The following CLASP1 variants were observed in gnomAD, a reference collection of about 807,000 sequenced individuals.
CLASP1 encodes the protein CLIP-associating protein 1.
CLASP1 carries 38 observed loss-of-function variants against 192.3 expected under a neutral mutation model. The observed-to-expected ratio is 0.20, with a 90% CI of 0.15 to 0.26. The LOEUF is 0.26. CLASP1 is among the 10% of genes least tolerant of loss of function. The pLI, the probability that CLASP1 is intolerant of heterozygous loss-of-function variation, is 1.00. For synonymous variants in CLASP1, 691 were observed against 712.8 expected (o/e 0.97, Z 0.49); for missense variants, 1,433 against 1,932.5 (o/e 0.74, Z 4.85).
At chr2:121,425,685 GA>G in intron 21 of CLASP1, among the ~76,000 whole-genome samples, 1 of 152,186 alleles carries the variant, frequency 6.6e-6, no homozygotes, top group East Asian at 1.9e-4. Flanking sequence ...ATTAGCTACA[GA>G]AAATGAATCC....
chr2:121,505,568 A>C (rs2093919816), intron 7 of CLASP1, among the ~76,000 whole-genome samples: 1 of 152,228 alleles, frequency 6.6e-6, no homozygotes, highest in South Asian at 2.1e-4. Flanking sequence ...CTCTGAGCAC[A>C]AAAATATAAA....
intron 2 of CLASP1, among the ~76,000 whole-genome samples, chr2:121,544,778 G>T (rs1278884514): frequency 6.6e-6 from 1 of 152,054 alleles, no homozygotes; most frequent in Admixed American, 6.5e-5. Flanking sequence ...TGAAAAACAT[G>T]GGATCCTAGA....
chr2:121,415,597 T>G (rs914714067), intron 23 of CLASP1, among the ~76,000 whole-genome samples: 1 of 152,208 alleles, frequency 6.6e-6, no homozygotes, highest in Non-Finnish European at 1.5e-5. Flanking sequence ...ACTTATTGAC[T>G]ACAGTTTCAT....
rs149472698 is a variant in CLASP1 at position 121,436,002 on chromosome 2, C to T, written c.1913-5825G>A. The stretch of plus-strand genomic sequence containing the variant: ...TGTAGGTAGTTTCTTTTTCTAGTGG[C>T]TTCTGTGCCTTTCGTGTTGTGCAAT... On this transcript the variant is annotated intron_variant, in intron 19 of 39. Transcript: ENST00000263710. Among the ~76,000 whole-genome samples the T allele has an allele frequency of 2.1e-3, 315 of 151,442 alleles. 1 individual carries two copies. Among genetic ancestry groups the T allele is most frequent in the African/African-American group, 7.2e-3 (297 of 41,312 alleles).
At chr2:121,387,061 G>T in intron 32 of CLASP1, 61 bp downstream of exon 33, 2 of 1,303,610 alleles carry the variant, frequency 1.5e-6, no homozygotes, top group Non-Finnish European at 2.2e-6. Context: ...GAAATAGGAT[G>T]CACAGCAATT....
chr2:121,348,744 G>A, intron 37 of CLASP1, 26 bp from the exon 39 acceptor site: 1 of 1,557,326 alleles, frequency 6.4e-7, no homozygotes, highest in Non-Finnish European at 8.7e-7. Flanking sequence ...CCCCCAAAGA[G>A]TGAGCTCCAC....
intron 1 of CLASP1, among the ~76,000 whole-genome samples, chr2:121,632,051 C>A (rs1004060567): frequency 7.9e-5 from 12 of 151,816 alleles, no homozygotes; most frequent in African/African-American, 2.9e-4. Context: ...CATCTCAAAA[C>A]AAATAAAATA....
intron 16 of CLASP1, among the ~76,000 whole-genome samples, chr2:121,449,935 C>A (rs537567250): frequency 2.6e-5 from 4 of 151,780 alleles, no homozygotes; most frequent in East Asian, 1.9e-4. Flanking sequence ...AGAGTAAATT[C>A]AAAAAAAATC....
At chr2:121,440,334 G>A (rs2083092318) in intron 19 of CLASP1, among the ~76,000 whole-genome samples, 1 of 152,126 alleles carries the variant, frequency 6.6e-6, no homozygotes, top group Non-Finnish European at 1.5e-5. Flanking sequence ...ATATTACTAT[G>A]AGTACCTGTG....
rs556916848 is a variant in CLASP1, at chr2:121,469,986, GTTTT to G, written c.713-30_713-27del. Reference sequence around the variant, plus strand: ...CTGAACAGTAAGCACAGAAACCAACGTTTTTTTAAAAACAAAAACTATATATACA... The same window carrying G: ...CTGAACAGTAAGCACAGAAACCAACGTTTAAAAACAAAAACTATATATACA... On this transcript the variant is annotated intron_variant, in intron 8 of 39. Coordinates refer to ENST00000263710, the Ensembl canonical transcript of CLASP1. The G allele has an allele frequency of 4.2e-5, 67 of 1,580,024 alleles. No homozygotes were observed. The African/African-American group carries it at 7.9e-4, about 19-fold the overall frequency.
chr2:121,538,060 CT>C (rs1162245105), intron 2 of CLASP1, among the ~76,000 whole-genome samples: 3 of 152,128 alleles, frequency 2.0e-5, no homozygotes, highest in Admixed American at 2.0e-4. Flanking sequence ...AAAATATCCA[CT>C]GTACAATTTC....
At chr2:121,577,429 T>A (rs1283514232) in intron 2 of CLASP1, among the ~76,000 whole-genome samples, 3 of 152,120 alleles carry the variant, frequency 2.0e-5, no homozygotes, top group African/African-American at 7.2e-5. Context: ...AGAAAACCTA[T>A]CTGGCTAACT....
At chr2:121,462,271 T>C (rs2088227890) in intron 10 of CLASP1, among the ~76,000 whole-genome samples, 1 of 152,046 alleles carries the variant, frequency 6.6e-6, no homozygotes, top group Non-Finnish European at 1.5e-5. Context: ...TTTAGCGTCA[T>C]CTATTTCTTT....
intron 2 of CLASP1, among the ~76,000 whole-genome samples, chr2:121,576,637 T>C (rs940278180): frequency 1.3e-5 from 2 of 152,176 alleles, no homozygotes. Context: ...CTGGCTAATA[T>C]GAGACCCCAA....
intron 8 of CLASP1, among the ~76,000 whole-genome samples, chr2:121,494,894 C>T (rs760503875): frequency 7.9e-5 from 12 of 151,774 alleles, no homozygotes; most frequent in Non-Finnish European, 1.2e-4. Context: ...TGGTGGTGGG[C>T]GCCTGTAGTC....
chr2:121,358,351 T>C (rs2065792089), intron 37 of CLASP1, among the ~76,000 whole-genome samples: 1 of 152,130 alleles, frequency 6.6e-6, no homozygotes, highest in Admixed American at 6.5e-5. Context: ...GGGTAAGAGA[T>C]AAGGAAAAAC....
intron 37 of CLASP1, among the ~76,000 whole-genome samples, chr2:121,359,436 C>A (rs545581051): frequency 6.6e-6 from 1 of 152,176 alleles, no homozygotes; most frequent in Non-Finnish European, 1.5e-5. Context: ...AGTATCAATT[C>A]TCTTATTTAA....
intron 8 of CLASP1, among the ~76,000 whole-genome samples, chr2:121,478,770 C>A (rs1040029926): frequency 3.3e-4 from 10 of 29,944 alleles, no homozygotes; most frequent in East Asian, 1.0e-3. Context: ...CACCACACAC[C>A]CCACACACAC....
At chr2:121,435,144 GACCC>G (rs2082086178) in intron 19 of CLASP1, among the ~76,000 whole-genome samples, 1 of 152,134 alleles carries the variant, frequency 6.6e-6, no homozygotes. Flanking sequence ...AACATAGCAA[GACCC>G]TGTCTCCATT....
Sources: gnomAD v4.1 joint callset for allele counts (sites outside exome capture counted in the v4.1 genomes callset) on GRCh38, gnomAD v4.1.1 for gene constraint, MANE v1.5 for transcripts, NCBI Gene and HGNC (gene_info 2026-07-23, HGNC 2026-07-21) for gene names.